Variants in KIFAP3 observed in about 807,000 individuals in gnomAD.
The protein encoded by KIFAP3 is kinesin associated protein 3, also known as kinesin-associated protein 3.
In KIFAP3, 68 loss-of-function variants were observed where a neutral mutation model predicts 106.5. That is an observed-to-expected ratio of 0.64 (90% confidence interval 0.53 to 0.78). KIFAP3 has a LOEUF of 0.78. Among genes scored for constraint, KIFAP3 ranks in the 30% least tolerant of loss-of-function variants. KIFAP3 has a pLI of 0.00. For missense variants in KIFAP3, 780 were observed against 941.8 expected, an observed-to-expected ratio of 0.83 and a Z score of 2.25; for synonymous variants, 320 against 311.5, an observed-to-expected ratio of 1.03 and a Z score of -0.29.
intron 19 of KIFAP3, among the ~76,000 whole-genome samples, chr1:169,924,793 C>A (rs1663037827): frequency 6.6e-6 from 1 of 152,118 alleles, no homozygotes; most frequent in Non-Finnish European, 1.5e-5. Flanking sequence ...TTCCTTTAAA[C>A]AGAAGCAGAT....
intron 19 of KIFAP3, among the ~76,000 whole-genome samples, chr1:169,945,149 G>C (rs533687654): frequency 5.6e-4 from 86 of 152,254 alleles, no homozygotes; most frequent in Non-Finnish European, 9.4e-4. Context: ...TGGGGGGCGG[G>C]GGGGGGCTGG....
chr1:169,964,493 C>T (rs936068571), intron 17 of KIFAP3, among the ~76,000 whole-genome samples: 1 of 152,114 alleles, frequency 6.6e-6, no homozygotes, highest in Admixed American at 6.6e-5. Context: ...GGACAACTTT[C>T]AGTTCTAAGA....
chr1:169,929,607 A>G (rs1311026973), intron 19 of KIFAP3, among the ~76,000 whole-genome samples: 1 of 152,138 alleles, frequency 6.6e-6, no homozygotes, highest in Non-Finnish European at 1.5e-5. Flanking sequence ...AATGAGTTTC[A>G]CCAGCATATA....
chr1:170,047,957 A>T (rs1448057415), intron 2 of KIFAP3, among the ~76,000 whole-genome samples: 2 of 152,224 alleles, frequency 1.3e-5, no homozygotes, highest in Non-Finnish European at 2.9e-5. Context: ...AAAGAGAAAG[A>T]TGAACAAGCA....
At chr1:169,989,595 G>C (rs1667000710) in intron 11 of KIFAP3, among the ~76,000 whole-genome samples, 1 of 152,010 alleles carries the variant, frequency 6.6e-6, no homozygotes, top group Admixed American at 6.6e-5. Flanking sequence ...TTGACAAAGA[G>C]TTTGATTACA....
chr1:169,939,119 GA>G (rs1404948338), intron 19 of KIFAP3, among the ~76,000 whole-genome samples: 1 of 152,272 alleles, frequency 6.6e-6, no homozygotes, highest in South Asian at 2.1e-4. Context: ...GGCTACTGTG[GA>G]AAAAATGAAG....
intron 8 of KIFAP3, among the ~76,000 whole-genome samples, chr1:170,027,348 G>A (rs1476941944): frequency 6.6e-6 from 1 of 152,028 alleles, no homozygotes; most frequent in Non-Finnish European, 1.5e-5. Context: ...AAGATTTTCA[G>A]TCATACAAGA....
chr1:170,036,166 G>C (rs1374186439), intron 5 of KIFAP3, among the ~76,000 whole-genome samples: 1 of 152,030 alleles, frequency 6.6e-6, no homozygotes, highest in African/African-American at 2.4e-5. Flanking sequence ...ATTTTCTCTT[G>C]AGGAAATGAA....
chr1:170,015,787 C>T (rs1668476868), intron 10 of KIFAP3, among the ~76,000 whole-genome samples: 1 of 152,114 alleles, frequency 6.6e-6, no homozygotes, highest in Non-Finnish European at 1.5e-5. Flanking sequence ...AGATTTAACG[C>T]CCTACTAAGA....
intron 1 of KIFAP3, among the ~76,000 whole-genome samples, chr1:170,061,649 C>A (rs1488420833): frequency 1.3e-5 from 2 of 152,234 alleles, no homozygotes; most frequent in East Asian, 1.9e-4. Flanking sequence ...TTGACCCAGC[C>A]ATCCCATTAC....
chr1:169,992,273 TGGTG>T lies in KIFAP3; in HGVS notation c.1184-22_1184-19del. 4.5e-6 allele frequency: 6 copies of T among 1,327,206 alleles called. No homozygotes were observed. Among genetic ancestry groups the T allele is most frequent in the Non-Finnish European group, 5.3e-6 (5 of 952,006 alleles). The allele number at this position is 1,327,206 out of a possible 1,614,324, so 82.2% of individuals were successfully genotyped here. A position where few individuals can be genotyped will look rare whatever the true frequency, so the allele number is the denominator to read the frequency against. ...GTCATTGCCTAGGAATAAAACATCA[TGGTG>T]ATGATGCTATAAATATATATTTTTT... On this transcript the variant is annotated intron_variant, in intron 10 of 19. Coordinates refer to ENST00000361580, the MANE Select transcript of KIFAP3 (RefSeq NM_014970.4).
In KIFAP3 at chr1:170,019,674, T is replaced by C. The variant is rs1668707059; in HGVS notation, c.1021-3050A>G. Among the ~76,000 whole-genome samples, 3 of 152,060 alleles carry C rather than the reference T, an allele frequency of 2.0e-5. 1 individual carries two copies. Among genetic ancestry groups the C allele is most frequent in the South Asian group, 4.1e-4 (2 of 4,822 alleles). On this transcript the variant is annotated intron_variant, in intron 9 of 19. Coordinates refer to ENST00000361580, the MANE Select transcript of KIFAP3 (RefSeq NM_014970.4). ...ATAAAAAGTCTCAGCAAGCAAGAAATAGAAGAACTTCCTTAAACTGATAGC... is the reference window on the plus strand; with the variant it reads ...ATAAAAAGTCTCAGCAAGCAAGAAACAGAAGAACTTCCTTAAACTGATAGC...
chr1:170,049,810 A>ACC (rs142603033), intron 2 of KIFAP3, among the ~76,000 whole-genome samples: 188 of 139,400 alleles, frequency 1.3e-3, no homozygotes, highest in East Asian at 4.8e-3. Flanking sequence ...AAAAAACACC[A>ACC]CCCCCCCCCA....
chr1:170,062,516 A>G (rs1671232229), intron 1 of KIFAP3, among the ~76,000 whole-genome samples: 1 of 152,146 alleles, frequency 6.6e-6, no homozygotes, highest in African/African-American at 2.4e-5. Flanking sequence ...CCTTACCAAA[A>G]AAGCTCTGGT....
intron 8 of KIFAP3, among the ~76,000 whole-genome samples, chr1:170,030,300 G>T (rs1244497241): frequency 6.6e-6 from 1 of 151,844 alleles, no homozygotes; most frequent in Non-Finnish European, 1.5e-5. Flanking sequence ...ATAAAGAGAT[G>T]GCAGATAAGC....
chr1:169,948,484 A>C (rs1664560209), intron 19 of KIFAP3, among the ~76,000 whole-genome samples: 1 of 151,660 alleles, frequency 6.6e-6, no homozygotes, highest in African/African-American at 2.4e-5. Flanking sequence ...TTATTTTAAA[A>C]AGATTTTATA....
intron 1 of KIFAP3, among the ~76,000 whole-genome samples, chr1:170,065,112 T>C (rs1671368287): frequency 6.6e-6 from 1 of 152,220 alleles, no homozygotes; most frequent in Admixed American, 6.5e-5. Flanking sequence ...GTAGCAGATT[T>C]TATCAGTATG....
At chr1:170,084,442 G>A (rs1462205960) in intron 1 of KIFAP3, among the ~76,000 whole-genome samples, 1 of 152,188 alleles carries the variant, frequency 6.6e-6, no homozygotes, top group African/African-American at 2.4e-5. Context: ...CCTTCAAGGA[G>A]CACATGAACT....
upstream of KIFAP3, among the ~76,000 whole-genome samples, chr1:170,076,509 AAG>A (rs963095663): frequency 6.6e-6 from 1 of 152,214 alleles, no homozygotes; most frequent in African/African-American, 2.4e-5. Context: ...AAATAAAAAA[AAG>A]AAATCCATAA....
Sources: gnomAD v4.1 joint callset for allele counts (sites outside exome capture counted in the v4.1 genomes callset) on GRCh38, gnomAD v4.1.1 for gene constraint, MANE v1.5 for transcripts, NCBI Gene and HGNC (gene_info 2026-07-23, HGNC 2026-07-21) for gene names.